The following ZNF385D variants were observed in gnomAD, a reference collection of about 807,000 sequenced individuals.
ZNF385D encodes the protein zinc finger protein 385D.
A neutral mutation model predicts 35.8 loss-of-function variants in ZNF385D; 15 were observed. That is an observed-to-expected ratio of 0.42 (90% confidence interval 0.28 to 0.64). The LOEUF (loss-of-function observed/expected upper bound fraction) is 0.64, where lower values mean the gene tolerates loss of function less well. Ranked by LOEUF, ZNF385D falls within the 30% of genes least tolerant of loss-of-function variation. The pLI is 0.23. For missense variants in ZNF385D, 474 were observed against 494.6 expected, an observed-to-expected ratio of 0.96 and a Z score of 0.39; for synonymous variants, 212 against 186.8, an observed-to-expected ratio of 1.13 and a Z score of -1.10.
chr3:22,028,416 C>T (rs905964990), intron 3 of ZNF385D, among the ~76,000 whole-genome samples: 1 of 152,212 alleles, frequency 6.6e-6, no homozygotes. Context: ...CTCACCAAGG[C>T]TGACCTGGTT....
At chr3:22,084,607 T>C (rs1479461891) in intron 3 of ZNF385D, among the ~76,000 whole-genome samples, 1 of 152,166 alleles carries the variant, frequency 6.6e-6, no homozygotes, top group African/African-American at 2.4e-5. Flanking sequence ...CAAAGAGACT[T>C]AGACTCCCAC....
At chr3:22,082,074 T>C (rs780752713) in intron 3 of ZNF385D, among the ~76,000 whole-genome samples, 7 of 151,848 alleles carry the variant, frequency 4.6e-5, no homozygotes, top group Non-Finnish European at 7.4e-5. Context: ...TGTTAAGAAT[T>C]TTCTTCTGTT....
intron 3 of ZNF385D, 117 bp from the exon 4 acceptor site, chr3:21,511,140 G>A: frequency 7.7e-7 from 1 of 1,297,846 alleles, no homozygotes; most frequent in Non-Finnish European, 1.1e-6. Flanking sequence ...GCTAATTCTG[G>A]CCGTGGCCAG....
At chr3:22,136,042 G>C (rs1338817450) in intron 3 of ZNF385D, among the ~76,000 whole-genome samples, 1 of 152,182 alleles carries the variant, frequency 6.6e-6, no homozygotes, top group Non-Finnish European at 1.5e-5. Flanking sequence ...AGAAAGTCTT[G>C]TGACCTAGCG....
intron 3 of ZNF385D, among the ~76,000 whole-genome samples, chr3:22,150,536 T>C (rs977835779): frequency 6.6e-6 from 1 of 152,028 alleles, no homozygotes. Context: ...TGAATAGAAG[T>C]TATTTACATA....
chr3:22,135,001 C>A (rs146196582), intron 3 of ZNF385D, among the ~76,000 whole-genome samples: 91 of 152,164 alleles, frequency 6.0e-4, no homozygotes, highest in African/African-American at 2.1e-3. Flanking sequence ...AAATAATTAA[C>A]AATCATACAA....
rs571968541 is a variant in ZNF385D at position 22,011,385 on chromosome 3, A to C, written c.325+157432T>G. On this transcript the variant is annotated intron_variant, in intron 3 of 5. Transcript: ENST00000494108. Reference sequence around the variant, plus strand: ...ATATATCTATCATTAAAATAGTGGTAAACTGTCCCAAGAGTGAACCCAATA... The same window carrying C: ...ATATATCTATCATTAAAATAGTGGTCAACTGTCCCAAGAGTGAACCCAATA... 6.6e-5 allele frequency among the ~76,000 whole-genome samples: 10 copies of C among 152,230 alleles called. No homozygotes were observed. The South Asian group carries it at 1.5e-3, about 22-fold the overall frequency.
intron 2 of ZNF385D, among the ~76,000 whole-genome samples, chr3:22,202,760 A>C (rs940193222): frequency 6.6e-6 from 1 of 152,094 alleles, no homozygotes; most frequent in African/African-American, 2.4e-5. Context: ...AAGACAGCAC[A>C]TTGAATGTGG....
chr3:21,798,376 T>C lies in ZNF385D; in HGVS notation c.326-133348A>G, dbSNP rs528550181. Among the ~76,000 whole-genome samples the C allele has an allele frequency of 2.6e-5, 4 of 152,272 alleles. No individual in the cohort carries two copies. In the East Asian group the frequency reaches 7.7e-4, roughly 29 times the overall value. ...AGCATCATTCAAATCCAGAGGTCTGTACGACTGAAGTCTTTGTGCTTTTTG... is the reference window on the plus strand; with the variant it reads ...AGCATCATTCAAATCCAGAGGTCTGCACGACTGAAGTCTTTGTGCTTTTTG... On this transcript the variant is annotated intron_variant, in intron 3 of 5. Transcript: ENST00000494108.
intron 2 of ZNF385D, among the ~76,000 whole-genome samples, chr3:22,313,311 A>C (rs1174684818): frequency 6.6e-6 from 1 of 151,730 alleles, no homozygotes; most frequent in Non-Finnish European, 1.5e-5. Context: ...ATGACGAGTT[A>C]ATGGGTGCAG....
At chr3:21,534,754 G>A (rs2061998164) in intron 3 of ZNF385D, among the ~76,000 whole-genome samples, 1 of 152,106 alleles carries the variant, frequency 6.6e-6, no homozygotes, top group South Asian at 2.1e-4. Context: ...TGCCAGTGAT[G>A]GATGGGTTTT....
At chr3:21,571,824 A>T (rs1034429778) in intron 2 of ZNF385D, among the ~76,000 whole-genome samples, 2 of 152,200 alleles carry the variant, frequency 1.3e-5, no homozygotes, top group African/African-American at 4.8e-5. Flanking sequence ...AAGCAGCTCA[A>T]TGAAGAGACA....
At chr3:22,106,334 G>C (rs1576330119) in intron 3 of ZNF385D, among the ~76,000 whole-genome samples, 1 of 152,098 alleles carries the variant, frequency 6.6e-6, no homozygotes, top group South Asian at 2.1e-4. Context: ...GCTTACATTT[G>C]AAAGATGATG....
In ZNF385D at chr3:21,953,799, T is replaced by A. The variant is rs556843849; in HGVS notation, c.325+215018A>T. Among the ~76,000 whole-genome samples the A allele has an allele frequency of 2.0e-5, 3 of 152,098 alleles. No homozygotes were observed. The South Asian group carries it at 6.2e-4, about 32-fold the overall frequency. On this transcript the variant is annotated intron_variant, in intron 3 of 5. Transcript: ENST00000494108. ...GGCTTGCACAAAGATACCACTGTAG[T>A]GTTTGGAAATTAGAGAAAAATTAGA...
intron 2 of ZNF385D, among the ~76,000 whole-genome samples, chr3:22,235,862 G>C (rs941696234): frequency 2.6e-5 from 4 of 152,020 alleles, no homozygotes; most frequent in African/African-American, 9.7e-5. Context: ...ATTTAAAAAA[G>C]TGCCCAGATT....
At chr3:21,521,043 A>G (rs1707872293) in intron 3 of ZNF385D, among the ~76,000 whole-genome samples, 1 of 152,202 alleles carries the variant, frequency 6.6e-6, no homozygotes, top group African/African-American at 2.4e-5. Flanking sequence ...TCTTCCCTCT[A>G]TAGTTTTGTA....
chr3:21,880,716 C>G (rs1698233333), intron 3 of ZNF385D, among the ~76,000 whole-genome samples: 1 of 151,898 alleles, frequency 6.6e-6, no homozygotes, highest in South Asian at 2.1e-4. Context: ...ATGAAGAAGG[C>G]ATGTCAAAAG....
intron 3 of ZNF385D, among the ~76,000 whole-genome samples, chr3:21,785,224 T>A (rs1197424368): frequency 6.6e-6 from 1 of 152,196 alleles, no homozygotes; most frequent in African/African-American, 2.4e-5. Context: ...GAGCCCCATA[T>A]ATTTTCTAGC....
At chr3:22,084,721 C>A (rs968768949) in intron 3 of ZNF385D, among the ~76,000 whole-genome samples, 5 of 152,184 alleles carry the variant, frequency 3.3e-5, no homozygotes, top group Non-Finnish European at 7.3e-5. Flanking sequence ...CTGCACCAAG[C>A]AGACCTAATA....
Sources: gnomAD v4.1 joint callset for allele counts (sites outside exome capture counted in the v4.1 genomes callset) on GRCh38, gnomAD v4.1.1 for gene constraint, MANE v1.5 for transcripts, NCBI Gene and HGNC (gene_info 2026-07-23, HGNC 2026-07-21) for gene names.